The following KLHL3 variants were observed in gnomAD, a reference collection of about 807,000 sequenced individuals.
KLHL3 encodes the protein kelch like family member 3, also known as kelch-like protein 3.
KLHL3 carries 19 observed loss-of-function variants against 70.5 expected under a neutral mutation model. The observed-to-expected ratio is 0.27, with a 90% CI of 0.19 to 0.40. KLHL3 has a LOEUF of 0.40. Among genes scored for constraint, KLHL3 ranks in the 10% least tolerant of loss-of-function variants. The pLI is 1.00. For synonymous variants in KLHL3, 258 were observed against 290.3 expected (o/e 0.89, Z 1.13); for missense variants, 512 against 771.1 (o/e 0.66, Z 3.98).
At chr5:137,696,399 A>G (rs1752446033) in intron 4 of KLHL3, among the ~76,000 whole-genome samples, 1 of 152,242 alleles carries the variant, frequency 6.6e-6, no homozygotes, top group African/African-American at 2.4e-5. Context: ...GTCATTTTGA[A>G]TTTTGACTCC....
At chr5:137,644,989 G>C (rs1200746658) in intron 8 of KLHL3, among the ~76,000 whole-genome samples, 5 of 152,162 alleles carry the variant, frequency 3.3e-5, no homozygotes, top group Admixed American at 3.3e-4. Flanking sequence ...TCATCCTAGG[G>C]ATGCAAGGAT....
At chr5:137,695,771 A>T (rs931526436) in intron 4 of KLHL3, among the ~76,000 whole-genome samples, 23 of 152,226 alleles carry the variant, frequency 1.5e-4, no homozygotes, top group African/African-American at 5.3e-4. Flanking sequence ...CAGTGACAAG[A>T]TTATGAACAA....
chr5:137,683,317 G>A (rs530227137), intron 5 of KLHL3, among the ~76,000 whole-genome samples: 1 of 152,248 alleles, frequency 6.6e-6, no homozygotes, highest in South Asian at 2.1e-4. Context: ...CAGCCCCAGG[G>A]AACAGGTGTG....
intron 3 of KLHL3, chr5:137,706,249 C>T: frequency 2.0e-6 from 2 of 985,426 alleles, no homozygotes; most frequent in Non-Finnish European, 2.4e-6. Context: ...TTCCTTTTGG[C>T]TTTAAACACA....
chr5:137,664,977 C>T (rs1375279426), intron 6 of KLHL3, among the ~76,000 whole-genome samples: 1 of 152,020 alleles, frequency 6.6e-6, no homozygotes, highest in Non-Finnish European at 1.5e-5. Flanking sequence ...TTACCACCAC[C>T]CATAAGAGGA....
chr5:137,660,606 G>C (rs544265067), intron 7 of KLHL3: 1 of 152,166 alleles, frequency 6.6e-6, no homozygotes, highest in Non-Finnish European at 1.5e-5. Context: ...GCTGAAGTAC[G>C]GCGATTCAGG....
chr5:137,700,059 C>G (rs1300679310), intron 3 of KLHL3, among the ~76,000 whole-genome samples: 1 of 152,230 alleles, frequency 6.6e-6, no homozygotes, highest in African/African-American at 2.4e-5. Flanking sequence ...CCACCCTGTT[C>G]TCTCTTCTCT....
intron 1 of KLHL3, among the ~76,000 whole-genome samples, chr5:137,727,993 A>G (rs1402745287): frequency 6.6e-6 from 1 of 152,216 alleles, no homozygotes; most frequent in East Asian, 1.9e-4. Flanking sequence ...GCAACAGCAC[A>G]CCATCATATC....
chr5:137,640,107 A>G, intron 8 of KLHL3, 130 bp from the exon 9 acceptor site: 1 of 727,792 alleles, frequency 1.4e-6, no homozygotes, highest in Non-Finnish European at 2.4e-6. Flanking sequence ...AGAGCTACAT[A>G]CATGGGGATG....
chr5:137,643,963 A>G (rs983453142), intron 8 of KLHL3, among the ~76,000 whole-genome samples: 1 of 152,126 alleles, frequency 6.6e-6, no homozygotes, highest in Non-Finnish European at 1.5e-5. Context: ...GATTTCATAT[A>G]TAAGTGAAAT....
chr5:137,634,195 G>A (rs781650559), intron 11 of KLHL3, 30 bp from the exon 12 acceptor site: 1 of 1,575,848 alleles, frequency 6.3e-7, no homozygotes, highest in Non-Finnish European at 8.6e-7. Flanking sequence ...TGAGTGTGGT[G>A]CCAGGGATAC....
At chr5:137,643,920 C>G (rs1220270396) in intron 8 of KLHL3, among the ~76,000 whole-genome samples, 1 of 152,096 alleles carries the variant, frequency 6.6e-6, no homozygotes, top group Non-Finnish European at 1.5e-5. Context: ...AACCACTATT[C>G]AGCTCTCTAC....
chr5:137,651,478 A>G (rs551142831), intron 8 of KLHL3, among the ~76,000 whole-genome samples: 1 of 152,236 alleles, frequency 6.6e-6, no homozygotes, highest in Non-Finnish European at 1.5e-5. Flanking sequence ...ATAGCATCTA[A>G]AACAATAAAA....
At chr5:137,712,573 T>C (rs1204045717) in intron 2 of KLHL3, among the ~76,000 whole-genome samples, 1 of 152,156 alleles carries the variant, frequency 6.6e-6, no homozygotes, top group Non-Finnish European at 1.5e-5. Context: ...AAGAGGGAAG[T>C]AGTAGCTCTA....
At chr5:137,728,477 C>A (rs1390682345) in intron 1 of KLHL3, among the ~76,000 whole-genome samples, 1 of 152,152 alleles carries the variant, frequency 6.6e-6, no homozygotes, top group South Asian at 2.1e-4. Flanking sequence ...CTCCACCTCA[C>A]GTTCAGAGAG....
chr5:137,673,576 T>C (rs554955727), intron 6 of KLHL3: 1 of 152,316 alleles, frequency 6.6e-6, no homozygotes, highest in East Asian at 1.9e-4. Context: ...TGCCCTCCCC[T>C]ACCCTCTAAT....
In KLHL3 at chr5:137,625,813, G is replaced by A. The variant is rs761441810; in HGVS notation, c.1675C>T (p.Pro559Ser). The change falls in exon 14 of 15, where the codon CCT becomes TCT. Residue 559 changes from proline to serine, a missense_variant. Transcript: ENST00000309755. ...AGCAGCGTCCATTTGTCAGTGACAG[G>A]ATTGTAGTACTCCACCGAAGCCAAG... Reference protein sequence around the residue: ...CNLASVEYYNPVTDKWTLLPT... With the variant: ...CNLASVEYYNSVTDKWTLLPT... 1.9e-6 allele frequency: 3 copies of A among 1,614,020 alleles called. No individual in the cohort carries two copies. Among genetic ancestry groups the A allele is most frequent in the African/African-American group, 1.3e-5 (1 of 74,900 alleles).
At chr5:137,629,939 G>A (rs1750588158) in intron 12 of KLHL3, 1 of 152,214 alleles carries the variant, frequency 6.6e-6, no homozygotes, top group Non-Finnish European at 1.5e-5. Context: ...CAGGCACTCA[G>A]GCAACTCTGC....
rs533232375 is a variant in KLHL3, at chr5:137,657,205, G to A, written c.903+926C>T. Reference sequence around the variant, plus strand: ...AAACCTTCCTGGAAGAAGCAGGCAGGGAGGATGGCAGCCAGCTGGAAAGAG... The same window carrying A: ...AAACCTTCCTGGAAGAAGCAGGCAGAGAGGATGGCAGCCAGCTGGAAAGAG... On this transcript the variant is annotated intron_variant, in intron 8 of 14. Coordinates refer to ENST00000309755, the MANE Select transcript of KLHL3 (RefSeq NM_017415.3). Among the ~76,000 whole-genome samples the A allele has an allele frequency of 3.3e-5, 5 of 152,296 alleles. No individual in the cohort carries two copies. The East Asian group carries it at 7.7e-4, about 24-fold the overall frequency.
Sources: gnomAD v4.1 joint callset for allele counts (sites outside exome capture counted in the v4.1 genomes callset) on GRCh38, gnomAD v4.1.1 for gene constraint, MANE v1.5 for transcripts, NCBI Gene and HGNC (gene_info 2026-07-23, HGNC 2026-07-21) for gene names.